Variants in ITGA8 observed in about 807,000 individuals in gnomAD.
The protein encoded by ITGA8 is integrin alpha-8.
ITGA8 carries 91 observed loss-of-function variants against 142.3 expected under a neutral mutation model. The observed-to-expected ratio is 0.64, with a 90% CI of 0.54 to 0.76. The LOEUF is 0.76. ITGA8 is among the 30% of genes least tolerant of loss of function. The pLI, the probability that ITGA8 is intolerant of heterozygous loss-of-function variation, is 0.00. For synonymous variants in ITGA8, 505 were observed against 485.2 expected (o/e 1.04, Z -0.54); for missense variants, 1,406 against 1,327.7 (o/e 1.06, Z -0.92).
chr10:15,515,007 T>A lies in ITGA8; in HGVS notation c.*2151A>T, dbSNP rs1185722012. 6.6e-6 allele frequency: 1 copy of A among 152,166 alleles called. No homozygotes were observed. Among genetic ancestry groups the A allele is most frequent in the Admixed American group, 6.5e-5 (1 of 15,284 alleles). 9.4% of individuals were successfully genotyped at this position (152,166 alleles called of 1,614,324 possible). A position where few individuals can be genotyped will look rare whatever the true frequency, so the allele number is the denominator to read the frequency against. ...TAAGAGTTCTCAGTTCCTTCACCAATGTTGGCTTAAAGACAAGGGGTGCAT... is the reference window on the plus strand; with the variant it reads ...TAAGAGTTCTCAGTTCCTTCACCAAAGTTGGCTTAAAGACAAGGGGTGCAT... On this transcript the variant is annotated 3_prime_UTR_variant, in exon 30 of 30. Transcript: ENST00000378076.
At chr10:15,529,173 C>T (rs1833242569) in intron 28 of ITGA8, among the ~76,000 whole-genome samples, 1 of 152,102 alleles carries the variant, frequency 6.6e-6, no homozygotes, top group Non-Finnish European at 1.5e-5. Flanking sequence ...TAACCTTGAA[C>T]TCCAGGGCTC....
intron 6 of ITGA8, among the ~76,000 whole-genome samples, chr10:15,673,765 A>T (rs1218503151): frequency 2.9e-4 from 44 of 151,296 alleles, no homozygotes; most frequent in Non-Finnish European, 1.5e-5. Context: ...GAGATCCAAA[A>T]TTCAGCAAAA....
chr10:15,592,502 G>A (rs890958135), intron 21 of ITGA8, among the ~76,000 whole-genome samples, 198 bp from the exon 22 acceptor site: 2 of 152,322 alleles, frequency 1.3e-5, no homozygotes, highest in East Asian at 1.9e-4. Flanking sequence ...GTACAGGTTG[G>A]TTCTCTCTCT....
In ITGA8 at chr10:15,531,089, A is replaced by G. The variant is rs771054083; in HGVS notation, c.2943T>C (p.Tyr981=). 109 of 1,588,188 alleles carry G rather than the reference A, an allele frequency of 6.9e-5. No homozygotes were observed. In the East Asian group the frequency reaches 2.3e-3, roughly 34 times the overall value. ...LVSFEVKKMP[Y]TDQPAKLPEG... ...CTGGGAGTTTTGCTGGCTGATCTGT[A>G]TAAGGCATCTTCTTAACTTCAAAGG... The change falls in exon 28 of 30, where the codon TAT becomes TAC. Residue 981 remains tyrosine, a synonymous_variant. Transcript: ENST00000378076.
intron 23 of ITGA8, 139 bp downstream of exon 23, chr10:15,586,445 G>C (rs1490164695): frequency 1.7e-6 from 1 of 584,234 alleles, no homozygotes; most frequent in Non-Finnish European, 3.1e-6. Flanking sequence ...ATAACGATCA[G>C]TAGAAAAGAG....
chr10:15,605,902 A>G (rs1047941261), intron 18 of ITGA8, 111 bp from the exon 19 acceptor site: 22 of 908,986 alleles, frequency 2.4e-5, no homozygotes, highest in South Asian at 1.5e-4. Context: ...TCCTCTCACT[A>G]TGCATGACTC....
intron 28 of ITGA8, among the ~76,000 whole-genome samples, chr10:15,530,244 C>T (rs181238935): frequency 2.4e-4 from 36 of 151,910 alleles, no homozygotes; most frequent in African/African-American, 8.2e-4. Flanking sequence ...TTAGTAGTTT[C>T]AGTTTTTAAT....
chr10:15,665,553 GC>G (rs1405082628), intron 8 of ITGA8, among the ~76,000 whole-genome samples: 3 of 122,542 alleles, frequency 2.4e-5, no homozygotes, highest in African/African-American at 8.1e-5. Context: ...GGCTTTTGTT[GC>G]CATTGCTTTT....
chr10:15,547,920 A>G (rs1350704204), intron 27 of ITGA8, among the ~76,000 whole-genome samples: 3 of 152,166 alleles, frequency 2.0e-5, no homozygotes, highest in African/African-American at 7.2e-5. Flanking sequence ...TTTCTGATCT[A>G]TTCTCAAGGT....
intron 23 of ITGA8, among the ~76,000 whole-genome samples, chr10:15,584,423 C>T (rs978640140): frequency 6.6e-6 from 1 of 152,084 alleles, no homozygotes; most frequent in Non-Finnish European, 1.5e-5. Context: ...ATCAGGGGAC[C>T]GCAAGTTAAA....
intron 4 of ITGA8, among the ~76,000 whole-genome samples, chr10:15,679,728 A>G (rs1357275763): frequency 6.6e-6 from 1 of 152,214 alleles, no homozygotes; most frequent in African/African-American, 2.4e-5. Context: ...CTTGCTTTCT[A>G]TCCAATATGA....
chr10:15,666,599 T>A (rs574907800), intron 8 of ITGA8, among the ~76,000 whole-genome samples: 2,570 of 152,272 alleles, frequency 0.017, 28 homozygotes, highest in Middle Eastern at 0.034. Flanking sequence ...CTTGTGCCAG[T>A]TTTCAAAGGG....
intron 22 of ITGA8, among the ~76,000 whole-genome samples, chr10:15,587,674 C>T (rs1403595498): frequency 6.6e-6 from 1 of 151,716 alleles, no homozygotes; most frequent in Non-Finnish European, 1.5e-5. Flanking sequence ...CATAAACAGG[C>T]AATTAGGAGA....
chr10:15,606,985 C>T (rs191465621), intron 17 of ITGA8, among the ~76,000 whole-genome samples: 193 of 152,242 alleles, frequency 1.3e-3, no homozygotes, highest in African/African-American at 4.0e-3. Flanking sequence ...ACTAAACACA[C>T]GGTGGATATG....
chr10:15,659,094 A>G lies in ITGA8; in HGVS notation c.892-39T>C, dbSNP rs9333128. Reference sequence around the variant, plus strand: ...AATTAAACAGGTTACACCATTTGCCATAGAATTGGAGCCTTTTTTAAAAAC... The same window carrying G: ...AATTAAACAGGTTACACCATTTGCCGTAGAATTGGAGCCTTTTTTAAAAAC... On this transcript the variant is annotated intron_variant, in intron 9 of 29. Coordinates refer to ENST00000378076, the MANE Select transcript of ITGA8 (RefSeq NM_003638.3). 0.12 allele frequency: 171,173 copies of G among 1,412,582 alleles called. 11,505 individuals are homozygous for G. The highest frequency in any genetic ancestry group is 0.29 in the East Asian group (11,742 of 40,906). 87.5% of individuals were successfully genotyped at this position (1,412,582 alleles called of 1,614,324 possible).
intron 11 of ITGA8, among the ~76,000 whole-genome samples, chr10:15,648,004 G>C (rs924009674): frequency 2.6e-5 from 4 of 152,100 alleles, no homozygotes; most frequent in African/African-American, 4.8e-5. Flanking sequence ...AAATTATTTA[G>C]AGATAAAGAT....
intron 25 of ITGA8, among the ~76,000 whole-genome samples, chr10:15,570,558 C>T (rs765324617): frequency 2.8e-4 from 40 of 140,614 alleles, no homozygotes; most frequent in Admixed American, 2.3e-4. Context: ...TGCAGTGAGC[C>T]GAGATGGCGC....
chr10:15,701,865 C>T (rs1835171387), intron 2 of ITGA8, among the ~76,000 whole-genome samples: 1 of 152,146 alleles, frequency 6.6e-6, no homozygotes, highest in Non-Finnish European at 1.5e-5. Flanking sequence ...AATCCTTAAC[C>T]ATTTGTTTAT....
chr10:15,659,125 C>G (rs949841002), intron 9 of ITGA8, 70 bp from the exon 10 acceptor site: 1 of 1,040,982 alleles, frequency 9.6e-7, no homozygotes, highest in Non-Finnish European at 1.4e-6. Context: ...AAAACTACAA[C>G]TTGAATCATT....
Sources: gnomAD v4.1 joint callset for allele counts (sites outside exome capture counted in the v4.1 genomes callset) on GRCh38, gnomAD v4.1.1 for gene constraint, MANE v1.5 for transcripts, NCBI Gene and HGNC (gene_info 2026-07-23, HGNC 2026-07-21) for gene names.